The following SGTB variants were observed in gnomAD, a reference collection of about 807,000 sequenced individuals.
SGTB encodes the protein small glutamine-rich tetratricopeptide repeat-containing protein beta.
SGTB carries 19 observed loss-of-function variants against 43.9 expected under a neutral mutation model. That is an observed-to-expected ratio of 0.43 (90% CI 0.30 to 0.63). The LOEUF (loss-of-function observed/expected upper bound fraction) is 0.63, where lower values mean the gene tolerates loss of function less well. SGTB is among the 30% of genes least tolerant of loss of function. SGTB has a pLI of 0.12. For missense variants in SGTB, 304 were observed against 358.9 expected, an observed-to-expected ratio of 0.85 and a Z score of 1.24; for synonymous variants, 116 against 117.3, an observed-to-expected ratio of 0.99 and a Z score of 0.07.
rs76983129 is a variant in SGTB at position 65,716,643 on chromosome 5, A to C, written c.101-3579T>G. ...AACAGAAAAGATGACGCTGACATAA[A>C]CAGAGATTGGGAAATTGCATACAGA... On this transcript the variant is annotated intron_variant, in intron 2 of 10. Coordinates refer to ENST00000381007, the MANE Select transcript of SGTB (RefSeq NM_019072.3). Among the ~76,000 whole-genome samples, 1,004 of 152,326 alleles carry C rather than the reference A, an allele frequency of 6.6e-3. 3 individuals are homozygous for C. The highest frequency in any genetic ancestry group is 0.012 in the Non-Finnish European group (800 of 68,018).
At chr5:65,691,730 G>A (rs1257130025) in intron 5 of SGTB, among the ~76,000 whole-genome samples, 1 of 151,338 alleles carries the variant, frequency 6.6e-6, no homozygotes, top group African/African-American at 2.4e-5. Context: ...CACAAGGTCA[G>A]GAGATCGAGA....
chr5:65,699,603 T>A (rs1757775070), intron 5 of SGTB, among the ~76,000 whole-genome samples: 1 of 152,360 alleles, frequency 6.6e-6, no homozygotes, highest in South Asian at 2.1e-4. Context: ...TCTATTATAG[T>A]TCCAGTAGTT....
chr5:65,716,914 G>A (rs1349113303), intron 2 of SGTB, among the ~76,000 whole-genome samples: 2 of 152,028 alleles, frequency 1.3e-5, no homozygotes, highest in African/African-American at 4.8e-5. Context: ...TCAAGCAGTG[G>A]ACCCTGGGTA....
chr5:65,705,455 A>G (rs922353237), intron 4 of SGTB, among the ~76,000 whole-genome samples: 2 of 151,872 alleles, frequency 1.3e-5, no homozygotes, highest in African/African-American at 4.8e-5. Context: ...CCTGTCTTTA[A>G]AAAAAAAGAA....
At chr5:65,713,121 T>A in intron 2 of SGTB, 57 bp from the exon 3 acceptor site, 1 of 1,176,622 alleles carries the variant, frequency 8.5e-7, no homozygotes, top group Non-Finnish European at 1.1e-6. Context: ...AGAAACAAGT[T>A]TTTTTTTTCT....
chr5:65,685,434 G>C lies in SGTB; in HGVS notation c.413C>G (p.Ala138Gly). Residue 138 changes from alanine to glycine, a missense_variant, in exon 6 of 11, where the codon GCG becomes GGG. Coordinates refer to ENST00000381007, the MANE Select transcript of SGTB (RefSeq NM_019072.3). ...TATTGCTTTTTCACAATCCTTTATC[G>C]CATCTGTGTAGTGACCTAATTTGCT... ...AQSKLGHYTD[A>G]IKDCEKAIAI... 1.2e-6 allele frequency: 2 copies of C among 1,613,940 alleles called. No homozygotes were observed.
intron 2 of SGTB, among the ~76,000 whole-genome samples, chr5:65,714,282 G>A (rs780123482): frequency 1.6e-4 from 25 of 152,094 alleles, no homozygotes; most frequent in Non-Finnish European, 2.9e-4. Context: ...CCTACTATCT[G>A]TAAGGCACTG....
At chr5:65,671,055 AG>A (rs1218048172) in intron 10 of SGTB, among the ~76,000 whole-genome samples, 1 of 152,222 alleles carries the variant, frequency 6.6e-6, no homozygotes, top group Non-Finnish European at 1.5e-5. Context: ...GCACTGAAAA[AG>A]TTTGAATAAA....
chr5:65,694,915 G>A (rs1043822904), intron 5 of SGTB, among the ~76,000 whole-genome samples: 1 of 152,070 alleles, frequency 6.6e-6, no homozygotes, highest in Non-Finnish European at 1.5e-5. Context: ...AGAGGAATAG[G>A]GTAGGAGGAA....
intron 8 of SGTB, among the ~76,000 whole-genome samples, chr5:65,673,120 G>A (rs1241158785): frequency 6.6e-6 from 1 of 152,176 alleles, no homozygotes; most frequent in East Asian, 1.9e-4. Context: ...AGGAAATTTA[G>A]AACAGATCTA....
chr5:65,710,763 G>A (rs1243846492), intron 3 of SGTB, among the ~76,000 whole-genome samples: 5 of 152,038 alleles, frequency 3.3e-5, no homozygotes, highest in African/African-American at 4.8e-5. Flanking sequence ...GAGCCAAGGC[G>A]GGCGGATCAT....
At chr5:65,681,975 CAA>C (rs562029850) in intron 6 of SGTB, among the ~76,000 whole-genome samples, 1 of 136,916 alleles carries the variant, frequency 7.3e-6, no homozygotes. Flanking sequence ...AATTCCATCT[CAA>C]AAAAAAAAAA....
chr5:65,680,568 T>C lies in SGTB; in HGVS notation c.619-12A>G. The C allele has an allele frequency of 8.7e-6, 14 of 1,614,072 alleles. No homozygotes were observed. Among genetic ancestry groups the C allele is most frequent in the Non-Finnish European group, 1.2e-5 (14 of 1,179,982 alleles). ...AGTCCAGTTCCTGTCTGTAAAACAATTATATCTGAGAATCAGTCCAGTATC... is the reference window on the plus strand; with the variant it reads ...AGTCCAGTTCCTGTCTGTAAAACAACTATATCTGAGAATCAGTCCAGTATC... On this transcript the variant is annotated splice_polypyrimidine_tract_variant and intron_variant, in intron 7 of 10. Transcript: ENST00000381007.
intron 2 of SGTB, 35 bp from the exon 3 acceptor site, chr5:65,713,099 C>T (rs373872347): frequency 2.0e-6 from 3 of 1,492,134 alleles, no homozygotes; most frequent in Non-Finnish European, 2.7e-6. Context: ...AAACAATTAG[C>T]AATTTTAAAA....
At chr5:65,683,894 T>C (rs531514778) in intron 6 of SGTB, among the ~76,000 whole-genome samples, 3 of 149,154 alleles carry the variant, frequency 2.0e-5, no homozygotes, top group African/African-American at 7.4e-5. Flanking sequence ...TGCAGTAAGC[T>C]GAGATCGCGC....
chr5:65,703,011 T>C (rs566034878), intron 5 of SGTB, among the ~76,000 whole-genome samples: 3 of 152,264 alleles, frequency 2.0e-5, no homozygotes, highest in Non-Finnish European at 4.4e-5. Flanking sequence ...TTTTGTAATT[T>C]GCATCAACAA....
chr5:65,675,216 A>G (rs994977573), intron 8 of SGTB, among the ~76,000 whole-genome samples: 3 of 152,246 alleles, frequency 2.0e-5, no homozygotes, highest in African/African-American at 7.2e-5. Flanking sequence ...TTGTAAGAAT[A>G]GAAGACAAAC....
intron 8 of SGTB, among the ~76,000 whole-genome samples, chr5:65,679,647 A>C (rs530368909): frequency 1.2e-4 from 19 of 152,260 alleles, no homozygotes; most frequent in Middle Eastern, 3.4e-3. Context: ...ACAACAACAA[A>C]AAAAACAAAA....
chr5:65,722,137 G>GGACGCGAGGGCTGGGGCGGGGCCA (rs1159259539), upstream of SGTB: 2 of 198,684 alleles, frequency 1.0e-5, no homozygotes, highest in Admixed American at 6.0e-5. Flanking sequence ...GGGCGGGGCC[G>GGACGCGAGGGCTGGGGCGGGGCCA]GACGCGAGGG....
Sources: allele counts gnomAD v4.1 joint callset (sites outside exome capture counted in the v4.1 genomes callset), GRCh38; gene constraint gnomAD v4.1.1; transcripts MANE v1.5; gene names NCBI Gene and HGNC (gene_info 2026-07-23, HGNC 2026-07-21).